The following CDH4 variants were observed in gnomAD, a reference collection of about 807,000 sequenced individuals.
The protein encoded by CDH4 is cadherin 4, also known as cadherin-4.
CDH4 carries 33 observed loss-of-function variants against 86.0 expected under a neutral mutation model. That is an observed-to-expected ratio of 0.38 (90% confidence interval 0.29 to 0.51). The LOEUF (loss-of-function observed/expected upper bound fraction) is 0.51, where lower values mean the gene tolerates loss of function less well. CDH4 is among the 20% of genes least tolerant of loss of function. The pLI is 0.86. For missense variants in CDH4, 1,114 were observed against 1,307.4 expected (o/e 0.85, Z 2.28); for synonymous variants, 555 against 549.4 (o/e 1.01, Z -0.14).
At position 61,651,227 on chromosome 20, in the gene CDH4, T is replaced by G. The variant is rs2087117352; in HGVS notation, c.170-92336T>G. ...CATGCTTGGCCGTGCACTGGTGTGC[T>G]TGTGTGAGTGAGTTAGCATCGTGCT... On this transcript the variant is annotated intron_variant, in intron 2 of 15. Coordinates refer to ENST00000614565, the MANE Select transcript of CDH4 (RefSeq NM_001794.5). Among the ~76,000 whole-genome samples, 5 of 152,368 alleles carry G rather than the reference T, an allele frequency of 3.3e-5. No individual in the cohort carries two copies. The South Asian group carries it at 1.0e-3, about 32-fold the overall frequency.
chr20:61,529,652 A>G (rs2085937496), intron 2 of CDH4, among the ~76,000 whole-genome samples: 1 of 152,126 alleles, frequency 6.6e-6, no homozygotes, highest in Admixed American at 6.6e-5. Context: ...CTGTTGAAAC[A>G]TGGGGAGAGG....
At chr20:61,767,876 C>T (rs1419044025) in intron 3 of CDH4, among the ~76,000 whole-genome samples, 1 of 152,206 alleles carries the variant, frequency 6.6e-6, no homozygotes, top group Non-Finnish European at 1.5e-5. Context: ...AAGGACGGCT[C>T]CATGAAACAT....
intron 4 of CDH4, among the ~76,000 whole-genome samples, chr20:61,813,830 G>A (rs1019396357): frequency 3.3e-5 from 5 of 152,172 alleles, no homozygotes; most frequent in Admixed American, 3.3e-4. Context: ...GCCCTCTCCA[G>A]TATAATAGAT....
At chr20:61,394,357 C>T (rs891092459) in intron 2 of CDH4, among the ~76,000 whole-genome samples, 5 of 152,172 alleles carry the variant, frequency 3.3e-5, no homozygotes, top group South Asian at 2.1e-4. Context: ...CAGCGACCAG[C>T]GGCAGGTGAG....
chr20:61,814,552 TAC>T (rs1980616252), intron 4 of CDH4, among the ~76,000 whole-genome samples: 1 of 152,240 alleles, frequency 6.6e-6, no homozygotes, highest in South Asian at 2.1e-4. Context: ...AGAGCTCATG[TAC>T]AGAGACAACA....
At position 61,663,606 on chromosome 20, in the gene CDH4, C is replaced by A. The variant is rs2087286396; in HGVS notation, c.170-79957C>A. On this transcript the variant is annotated intron_variant, in intron 2 of 15. Coordinates refer to ENST00000614565, the MANE Select transcript of CDH4 (RefSeq NM_001794.5). The surrounding 1 kb of genome is among the most constrained non-coding windows in gnomAD (Gnocchi z 5.0). Reference sequence around the variant, plus strand: ...GTCGGGAGCTGCTGGGACGGCAGGACCGGGTGTGTGTGTCCAAGAGACCAT... The same window carrying A: ...GTCGGGAGCTGCTGGGACGGCAGGAACGGGTGTGTGTGTCCAAGAGACCAT... Among the ~76,000 whole-genome samples the A allele has an allele frequency of 6.6e-6, 1 of 152,022 alleles. No individual in the cohort carries two copies. The highest frequency in any genetic ancestry group is 1.5e-5 in the Non-Finnish European group (1 of 68,010).
At chr20:61,429,320 C>T (rs1023393479) in intron 2 of CDH4, among the ~76,000 whole-genome samples, 4 of 152,050 alleles carry the variant, frequency 2.6e-5, no homozygotes, top group Non-Finnish European at 4.4e-5. Flanking sequence ...AGGCAGCATC[C>T]CACATTCAGC....
chr20:61,639,441 T>C (rs1311732342), intron 2 of CDH4, among the ~76,000 whole-genome samples: 6 of 152,258 alleles, frequency 3.9e-5, no homozygotes, highest in Admixed American at 3.9e-4. Context: ...ATGGCTGCTC[T>C]GTCATTTCCT....
At chr20:61,740,307 G>A (rs7263472) in intron 2 of CDH4, among the ~76,000 whole-genome samples, 5,226 of 152,230 alleles carry the variant, frequency 0.034, 301 homozygotes, top group African/African-American at 0.12. Context: ...TCTCCCTTGA[G>A]GCTGCCCTGC....
intron 2 of CDH4, among the ~76,000 whole-genome samples, chr20:61,509,990 A>G (rs185644242): frequency 5.3e-5 from 8 of 152,312 alleles, no homozygotes; most frequent in East Asian, 1.9e-4. Flanking sequence ...ATTAAAATCA[A>G]TTGTAAAGTT....
At chr20:61,661,550 G>A (rs2087258057) in intron 2 of CDH4, among the ~76,000 whole-genome samples, 1 of 148,564 alleles carries the variant, frequency 6.7e-6, no homozygotes, top group South Asian at 2.1e-4. Context: ...TTAATAGCTG[G>A]AGGAAGGGCC....
chr20:61,253,365 T>C (rs1368194654), intron 1 of CDH4, among the ~76,000 whole-genome samples: 14 of 151,594 alleles, frequency 9.2e-5, no homozygotes, highest in African/African-American at 3.4e-4. Context: ...CCTGGCGAGG[T>C]GCGCGGCCCG....
At chr20:61,490,470 G>A (rs992262950) in intron 2 of CDH4, among the ~76,000 whole-genome samples, 1 of 152,198 alleles carries the variant, frequency 6.6e-6, no homozygotes, top group Non-Finnish European at 1.5e-5. Flanking sequence ...GGAGGCCGAG[G>A]CAGGTGGATC....
rs773592062 is a variant in CDH4 at position 61,773,048 on chromosome 20, C to G, written c.442C>G (p.Pro148Ala). ...KVVALDPSPPPKDTLLPWPQH... is the reference protein window; with the variant it reads ...KVVALDPSPPAKDTLLPWPQH... ...CGTGGCTCTGGACCCCTCTCCGCCT[C>G]CGAAGGACACCCTGCTGCCGTGGCC... Residue 148 changes from proline (P) to alanine (A), a missense_variant, in exon 4 of 16, where the codon CCG becomes GCG. Around this residue, in one of 3 missense-constraint regions of CDH4, gnomAD observed 221 missense variants for 209.5 expected, o/e 1.05. Transcript: ENST00000614565. The G allele has an allele frequency of 3.7e-6, 6 of 1,613,778 alleles. No individual in the cohort carries two copies. In the South Asian group the frequency reaches 4.4e-5, roughly 12 times the overall value.
intron 2 of CDH4, among the ~76,000 whole-genome samples, chr20:61,394,324 G>A (rs1016952146): frequency 1.7e-4 from 26 of 152,112 alleles, no homozygotes; most frequent in South Asian, 1.0e-3. Flanking sequence ...TGTCCCTCTC[G>A]GGCAGAACCC....
At chr20:61,784,366 T>C (rs368029764) in intron 4 of CDH4, among the ~76,000 whole-genome samples, 1 of 14,806 alleles carries the variant, frequency 6.8e-5, no homozygotes. Flanking sequence ...CGATATCCTG[T>C]GCCCCCAGGA....
chr20:61,359,030 C>T (rs34933571), intron 2 of CDH4, among the ~76,000 whole-genome samples: 34,617 of 151,916 alleles, frequency 0.23, 4,469 homozygotes, highest in South Asian at 0.34. Flanking sequence ...GGTTGGGAAG[C>T]CGGAATGTGG....
intron 2 of CDH4, among the ~76,000 whole-genome samples, chr20:61,594,863 C>G (rs770323727): frequency 3.9e-5 from 6 of 152,244 alleles, no homozygotes; most frequent in Non-Finnish European, 7.3e-5. Context: ...ACATCAATAG[C>G]TGATATTCAG....
chr20:61,607,820 G>A (rs548458757), intron 2 of CDH4, among the ~76,000 whole-genome samples: 1 of 152,298 alleles, frequency 6.6e-6, no homozygotes, highest in African/African-American at 2.4e-5. Context: ...GCTGTCCTTA[G>A]TAGCCAAAGA....
Sources: gnomAD v4.1 joint callset for allele counts (sites outside exome capture counted in the v4.1 genomes callset) on GRCh38, gnomAD v4.1.1 for gene constraint, gnomAD v4.1.1 regional missense constraint, Gnocchi (gnomAD v3.1) non-coding constraint, MANE v1.5 for transcripts, NCBI Gene and HGNC (gene_info 2026-07-23, HGNC 2026-07-21) for gene names.